The following FSTL5 variants were observed in gnomAD, a reference collection of about 807,000 sequenced individuals.
The protein encoded by FSTL5 is follistatin like 5.
A neutral mutation model predicts 89.1 loss-of-function variants in FSTL5; 62 were observed. The observed-to-expected ratio is 0.70, with a 90% CI of 0.57 to 0.86. The LOEUF is 0.86. Ranked by LOEUF, FSTL5 falls within the 40% of genes least tolerant of loss-of-function variation. The pLI is 0.00. For missense variants in FSTL5, 1,057 were observed against 1,001.6 expected (o/e 1.06, Z -0.75); for synonymous variants, 383 against 346.2 (o/e 1.11, Z -1.18).
chr4:161,524,106 C>T (rs1731124517), intron 10 of FSTL5, among the ~76,000 whole-genome samples: 1 of 152,104 alleles, frequency 6.6e-6, no homozygotes, highest in Non-Finnish European at 1.5e-5. Context: ...CATTTTACAT[C>T]CTATTCTTTC....
intron 2 of FSTL5, among the ~76,000 whole-genome samples, chr4:162,066,033 A>G (rs1738883754): frequency 6.6e-6 from 1 of 152,042 alleles, no homozygotes; most frequent in Non-Finnish European, 1.5e-5. Flanking sequence ...TTCTTGTAAA[A>G]TCACACAATC....
chr4:162,048,723 A>G (rs1323076492), intron 2 of FSTL5, among the ~76,000 whole-genome samples: 1 of 152,124 alleles, frequency 6.6e-6, no homozygotes, highest in Non-Finnish European at 1.5e-5. Context: ...ATGGATGCAT[A>G]GATGTCAATA....
At chr4:161,967,755 A>G (rs1735369248) in intron 3 of FSTL5, among the ~76,000 whole-genome samples, 1 of 152,004 alleles carries the variant, frequency 6.6e-6, no homozygotes, top group South Asian at 2.1e-4. Context: ...GTAGGTTTAA[A>G]GAGCTTTCTG....
chr4:162,054,958 C>T (rs1738491152), intron 2 of FSTL5, among the ~76,000 whole-genome samples: 1 of 151,924 alleles, frequency 6.6e-6, no homozygotes, highest in African/African-American at 2.4e-5. Flanking sequence ...TTAGTTAACA[C>T]AGGTAGTCAC....
intron 4 of FSTL5, among the ~76,000 whole-genome samples, chr4:161,824,831 T>G (rs1730614973): frequency 6.6e-6 from 1 of 152,158 alleles, no homozygotes; most frequent in South Asian, 2.1e-4. Context: ...TCCTAGGAGC[T>G]TTTTGCATGA....
chr4:161,421,107 C>T (rs919669528), intron 15 of FSTL5, among the ~76,000 whole-genome samples: 1 of 151,884 alleles, frequency 6.6e-6, no homozygotes, highest in Non-Finnish European at 1.5e-5. Flanking sequence ...TTTGGGAGGC[C>T]GAGGCAGGCG....
chr4:161,824,466 T>C lies in FSTL5; in HGVS notation c.410-48392A>G, dbSNP rs550585506. On this transcript the variant is annotated intron_variant, in intron 4 of 15. Transcript: ENST00000306100. ...AATGTGATGCCTTCAGATTTGTTCT[T>C]TTTGCTTAGTCTTGCTTTGGCTATG... Among the ~76,000 whole-genome samples the C allele has an allele frequency of 3.2e-3, 491 of 152,318 alleles. 4 individuals carry two copies. Among genetic ancestry groups the C allele is most frequent in the African/African-American group, 0.011 (471 of 41,574 alleles).
chr4:162,155,337 G>A (rs1733425949), intron 1 of FSTL5, among the ~76,000 whole-genome samples: 1 of 152,086 alleles, frequency 6.6e-6, no homozygotes, highest in Non-Finnish European at 1.5e-5. Context: ...CATGAGTTCT[G>A]AGCCGCAAAG....
intron 6 of FSTL5, among the ~76,000 whole-genome samples, chr4:161,750,413 A>G (rs1441446377): frequency 6.6e-6 from 1 of 152,128 alleles, no homozygotes; most frequent in African/African-American, 2.4e-5. Context: ...AATAATATAC[A>G]CTTAATGCTC....
intron 7 of FSTL5, among the ~76,000 whole-genome samples, chr4:161,648,570 C>T (rs1048912073): frequency 1.6e-4 from 25 of 152,094 alleles, no homozygotes; most frequent in African/African-American, 5.6e-4. Flanking sequence ...TACTAATTCT[C>T]ATCGTTCTAA....
intron 2 of FSTL5, among the ~76,000 whole-genome samples, chr4:162,050,077 T>C (rs1282850402): frequency 6.6e-6 from 1 of 151,838 alleles, no homozygotes; most frequent in African/African-American, 2.4e-5. Context: ...TAACAGTTCA[T>C]AAGAACTCCA....
chr4:162,031,424 C>T (rs1737517890), intron 3 of FSTL5, among the ~76,000 whole-genome samples: 1 of 152,114 alleles, frequency 6.6e-6, no homozygotes, highest in Non-Finnish European at 1.5e-5. Flanking sequence ...GAATTTTTGT[C>T]ATTTGCCAAT....
chr4:161,550,924 T>A (rs1308067594), intron 8 of FSTL5, among the ~76,000 whole-genome samples: 1 of 151,930 alleles, frequency 6.6e-6, no homozygotes, highest in Non-Finnish European at 1.5e-5. Flanking sequence ...CATCATTTTT[T>A]ATGGCTGCAT....
rs140821938 is a variant in FSTL5 at position 161,508,900 on chromosome 4, T to A, written c.1339+1498A>T. The stretch of plus-strand genomic sequence containing the variant: ...CCAGCAATTAACCGTCAAAGCCAGA[T>A]CTGTAGTACTTGGTTCAGACTTGTT... On this transcript the variant is annotated intron_variant, in intron 11 of 15. Coordinates refer to ENST00000306100, the MANE Select transcript of FSTL5 (RefSeq NM_020116.5). 4.2e-3 allele frequency among the ~76,000 whole-genome samples: 640 copies of A among 152,292 alleles called. 5 individuals are homozygous for A. The highest frequency in any genetic ancestry group is 0.015 in the African/African-American group (621 of 41,554).
At chr4:161,921,976 C>G (rs1165787919) in intron 3 of FSTL5, among the ~76,000 whole-genome samples, 1 of 151,972 alleles carries the variant, frequency 6.6e-6, no homozygotes, top group Non-Finnish European at 1.5e-5. Flanking sequence ...TTTAAGTAAT[C>G]AATTTTGTTC....
intron 15 of FSTL5, among the ~76,000 whole-genome samples, chr4:161,445,714 A>G (rs1016826093): frequency 2.0e-5 from 3 of 152,014 alleles, no homozygotes; most frequent in Non-Finnish European, 4.4e-5. Flanking sequence ...GATATAATAC[A>G]GTTTCTCCAC....
intron 6 of FSTL5, among the ~76,000 whole-genome samples, chr4:161,746,793 T>C (rs1185920039): frequency 6.6e-6 from 1 of 152,150 alleles, no homozygotes; most frequent in Non-Finnish European, 1.5e-5. Flanking sequence ...GTTCACTAAG[T>C]TTCAAACTCT....
intron 8 of FSTL5, among the ~76,000 whole-genome samples, chr4:161,557,079 G>A (rs905443615): frequency 4.0e-5 from 6 of 151,166 alleles, no homozygotes; most frequent in African/African-American, 7.3e-5. Context: ...TGATAAAGTC[G>A]TGTGGATAAT....
intron 3 of FSTL5, among the ~76,000 whole-genome samples, chr4:162,024,740 A>C (rs889140758): frequency 6.6e-6 from 1 of 152,090 alleles, no homozygotes; most frequent in Non-Finnish European, 1.5e-5. Flanking sequence ...TAGTTACTGC[A>C]GCCTTTAACT....
Sources: allele counts gnomAD v4.1 joint callset (sites outside exome capture counted in the v4.1 genomes callset), GRCh38; gene constraint gnomAD v4.1.1; transcripts MANE v1.5; gene names NCBI Gene and HGNC (gene_info 2026-07-23, HGNC 2026-07-21).